Variants in CTCF observed in about 807,000 individuals in gnomAD.
CTCF encodes CCCTC-binding factor.
Under a neutral mutation model 72.3 loss-of-function variants are expected in CTCF, and 7 were observed. That is an observed-to-expected ratio of 0.10 (90% CI 0.06 to 0.18). The LOEUF (loss-of-function observed/expected upper bound fraction) is 0.18, where lower values mean the gene tolerates loss of function less well. CTCF is among the 10% of genes least tolerant of loss of function. The probability of loss-of-function intolerance (pLI) is 1.00; values close to 1 mark genes in which losing one functional copy is unlikely to be tolerated. For missense variants in CTCF, 516 were observed against 949.1 expected (o/e 0.54, Z 6.00); for synonymous variants, 374 against 315.8 (o/e 1.18, Z -1.95).
chr16:67,626,124 C>T (rs904337224), intron 7 of CTCF, among the ~76,000 whole-genome samples: 5 of 151,940 alleles, frequency 3.3e-5, no homozygotes, highest in African/African-American at 9.7e-5. Context: ...TTCTGTATAG[C>T]ACCCAGAGTA....
chr16:67,638,928 TGTTTTTTA>T lies in CTCF; in HGVS notation c.*1058_*1065del, dbSNP rs2052468460. On this transcript the variant is annotated 3_prime_UTR_variant, in exon 12 of 12. Coordinates refer to ENST00000264010, the MANE Select transcript of CTCF (RefSeq NM_006565.4). The stretch of plus-strand genomic sequence containing the variant: ...ATGAACTGTCACATGTTTAAAAATG[TGTTTTTTA>T]GAGAGCCTCAGTCTTACTGATTTCA... The T allele has an allele frequency of 4.9e-6, 1 of 205,124 alleles. No homozygotes were observed. Among genetic ancestry groups the T allele is most frequent in the Admixed American group, 6.0e-5 (1 of 16,798 alleles). The allele number at this position is 205,124 out of a possible 1,614,324, so 12.7% of individuals were successfully genotyped here.
intron 7 of CTCF, 136 bp downstream of exon 7, chr16:67,621,727 G>C: frequency 3.0e-6 from 1 of 328,110 alleles, no homozygotes. Context: ...ACTTAGTTTA[G>C]TAAAAGCCAT....
chr16:67,635,314 C>T (rs1567619242), intron 10 of CTCF, among the ~76,000 whole-genome samples: 1 of 151,958 alleles, frequency 6.6e-6, no homozygotes, highest in South Asian at 2.1e-4. Flanking sequence ...GCCACCATGC[C>T]TGGCCACCTT....
intron 2 of CTCF, among the ~76,000 whole-genome samples, chr16:67,581,171 A>G (rs1333265061): frequency 6.7e-6 from 1 of 149,296 alleles, no homozygotes; most frequent in Non-Finnish European, 1.5e-5. Context: ...CTCCTGATCC[A>G]CCTGCCTCGG....
chr16:67,583,292 CTTAT>C (rs1567596036), intron 2 of CTCF, among the ~76,000 whole-genome samples: 1 of 151,976 alleles, frequency 6.6e-6, no homozygotes, highest in Non-Finnish European at 1.5e-5. Flanking sequence ...CAGCCTACTT[CTTAT>C]TTTGAAAGAA....
chr16:67,602,511 G>C (rs902390675), intron 2 of CTCF, among the ~76,000 whole-genome samples: 10 of 152,010 alleles, frequency 6.6e-5, no homozygotes, highest in African/African-American at 2.4e-4. Context: ...ACTAACTTTT[G>C]GGGCTTTTCA....
At chr16:67,573,381 A>C (rs934819425) in intron 2 of CTCF, among the ~76,000 whole-genome samples, 1 of 152,082 alleles carries the variant, frequency 6.6e-6, no homozygotes, top group Non-Finnish European at 1.5e-5. Flanking sequence ...GCAGTGAGCC[A>C]AGATCACACC....
intron 7 of CTCF, among the ~76,000 whole-genome samples, chr16:67,625,968 A>C (rs762552926): frequency 3.3e-5 from 5 of 151,918 alleles, no homozygotes; most frequent in Non-Finnish European, 7.4e-5. Flanking sequence ...TGTTGATTCA[A>C]CTGCTTCCAT....
chr16:67,583,048 G>C (rs1013848855), intron 2 of CTCF, among the ~76,000 whole-genome samples: 1 of 148,784 alleles, frequency 6.7e-6, no homozygotes, highest in Non-Finnish European at 1.5e-5. Flanking sequence ...GCAGTGGTGC[G>C]ATCTCGGCTC....
intron 2 of CTCF, among the ~76,000 whole-genome samples, chr16:67,601,679 C>G (rs567641634): frequency 6.6e-6 from 1 of 151,808 alleles, no homozygotes; most frequent in Non-Finnish European, 1.5e-5. Context: ...GCTTTAAGAC[C>G]GAGTAGATGC....
chr16:67,583,562 C>T (rs1254951920), intron 2 of CTCF, among the ~76,000 whole-genome samples: 2 of 151,940 alleles, frequency 1.3e-5, no homozygotes, highest in Admixed American at 1.3e-4. Context: ...TGGGGCATGC[C>T]TATAATCTCA....
At chr16:67,616,167 CA>C (rs1264369470) in intron 4 of CTCF, 2 of 152,468 alleles carry the variant, frequency 1.3e-5, no homozygotes, top group African/African-American at 4.8e-5. Flanking sequence ...GTTTAAATCA[CA>C]TAAAAGGAAA....
chr16:67,569,198 C>CT (rs1001596755), intron 1 of CTCF, among the ~76,000 whole-genome samples: 3 of 148,452 alleles, frequency 2.0e-5, no homozygotes, highest in South Asian at 2.1e-4. Flanking sequence ...TTATTTTATT[C>CT]TTTTTTTGAG....
chr16:67,594,624 A>G (rs759234065), intron 2 of CTCF, among the ~76,000 whole-genome samples: 3 of 152,128 alleles, frequency 2.0e-5, no homozygotes, highest in East Asian at 1.9e-4. Flanking sequence ...AAAGAGAGCA[A>G]TAAAGGTAAA....
At chr16:67,562,902 G>A (rs1345380564) in intron 1 of CTCF, among the ~76,000 whole-genome samples, 178 bp downstream of exon 1, 1 of 118,400 alleles carries the variant, frequency 8.4e-6, no homozygotes, top group African/African-American at 3.1e-5. Context: ...GCCGTGGCCC[G>A]GCCGCCCCCC....
chr16:67,628,923 G>A (rs1164509625), intron 9 of CTCF, among the ~76,000 whole-genome samples: 1 of 152,132 alleles, frequency 6.6e-6, no homozygotes, highest in African/African-American at 2.4e-5. Flanking sequence ...AGCTGGGTGC[G>A]GTGGCGGGCC....
At chr16:67,624,799 G>T (rs973406394) in intron 7 of CTCF, among the ~76,000 whole-genome samples, 1 of 151,528 alleles carries the variant, frequency 6.6e-6, no homozygotes, top group East Asian at 1.9e-4. Context: ...TCACTATGTT[G>T]CCCAGGCTGG....
chr16:67,574,865 G>A (rs976539302), intron 2 of CTCF, among the ~76,000 whole-genome samples: 1 of 149,324 alleles, frequency 6.7e-6, no homozygotes, highest in East Asian at 2.0e-4. Context: ...CACCTTGTCA[G>A]CCAGGATGGT....
chr16:67,575,278 T>G (rs577738086), intron 2 of CTCF, among the ~76,000 whole-genome samples: 38 of 152,082 alleles, frequency 2.5e-4, no homozygotes, highest in South Asian at 2.3e-3. Flanking sequence ...AAGTAAGAAT[T>G]AAGTTTTCTG....
Sources: allele counts gnomAD v4.1 joint callset (sites outside exome capture counted in the v4.1 genomes callset), GRCh38; gene constraint gnomAD v4.1.1; transcripts MANE v1.5; gene names NCBI Gene and HGNC (gene_info 2026-07-23, HGNC 2026-07-21).